The following ATP6V1H variants were observed in gnomAD, a reference collection of about 807,000 sequenced individuals.
ATP6V1H encodes the protein ATPase H+ transporting V1 subunit H, also known as V-type proton ATPase subunit H.
In ATP6V1H, 39 loss-of-function variants were observed where a neutral mutation model predicts 71.7. That is an observed-to-expected ratio of 0.54 (90% CI 0.42 to 0.71). ATP6V1H has a LOEUF of 0.71. Among genes scored for constraint, ATP6V1H ranks in the 30% least tolerant of loss-of-function variants. The probability of loss-of-function intolerance (pLI) is 0.00; values close to 1 mark genes in which losing one functional copy is unlikely to be tolerated. For synonymous variants in ATP6V1H, 192 were observed against 199.3 expected (o/e 0.96, Z 0.31); for missense variants, 509 against 594.9 (o/e 0.86, Z 1.50).
intron 3 of ATP6V1H, among the ~76,000 whole-genome samples, 170 bp from the exon 4 acceptor site, chr8:53,829,703 G>GACCTT (rs1197258533): frequency 4.3e-4 from 65 of 152,194 alleles, no homozygotes; most frequent in African/African-American, 1.5e-3. Context: ...AGTATGAGAG[G>GACCTT]ACCTTACTAT....
intron 9 of ATP6V1H, among the ~76,000 whole-genome samples, chr8:53,782,086 T>G (rs962660351): frequency 6.6e-6 from 1 of 152,186 alleles, no homozygotes; most frequent in African/African-American, 2.4e-5. Context: ...AGAAAGTCAT[T>G]GGTAGCTTGA....
chr8:53,825,061 G>A (rs1810783933), intron 4 of ATP6V1H, among the ~76,000 whole-genome samples: 1 of 152,118 alleles, frequency 6.6e-6, no homozygotes. Flanking sequence ...AACAAGAAAT[G>A]TTGCAAAACC....
At chr8:53,729,972 T>G (rs561139100) in intron 13 of ATP6V1H, among the ~76,000 whole-genome samples, 1 of 152,158 alleles carries the variant, frequency 6.6e-6, no homozygotes, top group African/African-American at 2.4e-5. Flanking sequence ...ACCCAAACCA[T>G]GTCAGCTGAT....
Position 53,829,497 on chromosome 8 carries a change from A to C in ATP6V1H, c.253T>G (p.Cys85Gly). The change falls in exon 4 of 14, where the codon TGC becomes GGC. Residue 85 changes from cysteine to glycine, a missense_variant. Around this residue, in one of 2 missense-constraint regions of ATP6V1H, gnomAD observed 297 missense variants for 303.3 expected, o/e 0.98. Transcript: ENST00000359530. ...ATATACTGAACGGTCTGTTCTTTGC[A>C]GATATGAGTCATCAGATTTATAAAT... ...KTFINLMTHICKEQTVQYILT... is the reference protein window; with the variant it reads ...KTFINLMTHIGKEQTVQYILT... The C allele has an allele frequency of 6.3e-7, 1 of 1,599,736 alleles. No individual in the cohort carries two copies. Among genetic ancestry groups the C allele is most frequent in the Non-Finnish European group, 8.5e-7 (1 of 1,174,958 alleles).
chr8:53,806,943 T>C (rs1382791557), intron 7 of ATP6V1H: 1 of 434,964 alleles, frequency 2.3e-6, no homozygotes. Context: ...AACTGTAAAG[T>C]TGAAAAATCA....
chr8:53,801,772 T>TAAAAGGAATG, intron 8 of ATP6V1H, 27 bp downstream of exon 8: 2 of 1,562,262 alleles, frequency 1.3e-6, no homozygotes, highest in Non-Finnish European at 1.8e-6. Flanking sequence ...TAAATGTTAT[T>TAAAAGGAATG]TTACATTAAA....
At chr8:53,788,088 C>CA (rs1211197004) in intron 9 of ATP6V1H, among the ~76,000 whole-genome samples, 1 of 152,156 alleles carries the variant, frequency 6.6e-6, no homozygotes, top group Non-Finnish European at 1.5e-5. Flanking sequence ...TGGTATAAAT[C>CA]AAATGGCTTT....
chr8:53,744,011 T>C (rs567425410), intron 12 of ATP6V1H, among the ~76,000 whole-genome samples: 1 of 152,296 alleles, frequency 6.6e-6, no homozygotes, highest in South Asian at 2.1e-4. Context: ...ATTAACGTTT[T>C]TATTATCAGT....
intron 4 of ATP6V1H, among the ~76,000 whole-genome samples, chr8:53,818,909 G>A (rs970419578): frequency 6.6e-6 from 1 of 152,078 alleles, no homozygotes. Flanking sequence ...AAAATCAACT[G>A]CTAAACTATA....
At chr8:53,781,537 T>C (rs1327195493) in intron 9 of ATP6V1H, among the ~76,000 whole-genome samples, 1 of 152,224 alleles carries the variant, frequency 6.6e-6, no homozygotes, top group Non-Finnish European at 1.5e-5. Context: ...AGAAGTTCTT[T>C]AGTTTAATTA....
chr8:53,762,112 T>TTCTCAGC (rs1808291766), intron 11 of ATP6V1H, among the ~76,000 whole-genome samples: 1 of 152,196 alleles, frequency 6.6e-6, no homozygotes, highest in Non-Finnish European at 1.5e-5. Context: ...AAAATTTAGT[T>TTCTCAGC]TCTCAGCTAC....
chr8:53,785,819 C>T (rs1809360590), intron 9 of ATP6V1H, among the ~76,000 whole-genome samples: 1 of 152,174 alleles, frequency 6.6e-6, no homozygotes, highest in South Asian at 2.1e-4. Context: ...ACCCTGTTTG[C>T]CTGGGTATCA....
chr8:53,792,858 G>A (rs1809612738), intron 9 of ATP6V1H, among the ~76,000 whole-genome samples: 2 of 152,142 alleles, frequency 1.3e-5, no homozygotes, highest in South Asian at 2.1e-4. Context: ...TTAAAAGCAC[G>A]CATCATATTG....
chr8:53,828,744 A>C (rs149429407), intron 4 of ATP6V1H, among the ~76,000 whole-genome samples: 1 of 152,112 alleles, frequency 6.6e-6, no homozygotes, highest in African/African-American at 2.4e-5. Flanking sequence ...GGCCATCAAT[A>C]AATGTTTTTT....
At chr8:53,771,529 T>A (rs1808655430) in intron 10 of ATP6V1H, among the ~76,000 whole-genome samples, 1 of 151,926 alleles carries the variant, frequency 6.6e-6, no homozygotes, top group South Asian at 2.1e-4. Context: ...TGGCATGGAG[T>A]CCCTTCCATA....
At chr8:53,759,706 TTC>T (rs762534807) in intron 11 of ATP6V1H, among the ~76,000 whole-genome samples, 67 of 152,238 alleles carry the variant, frequency 4.4e-4, no homozygotes, top group Non-Finnish European at 7.3e-4. Context: ...GAAACTTGTT[TTC>T]TCTCTCAGTT....
At chr8:53,757,815 A>AAT (rs1297148472) in intron 11 of ATP6V1H, among the ~76,000 whole-genome samples, 1 of 152,218 alleles carries the variant, frequency 6.6e-6, no homozygotes, top group Non-Finnish European at 1.5e-5. Flanking sequence ...TCATAGTACT[A>AAT]ATCACCACCT....
chr8:53,786,260 G>A (rs1315993002), intron 9 of ATP6V1H, among the ~76,000 whole-genome samples: 2 of 152,172 alleles, frequency 1.3e-5, no homozygotes, highest in South Asian at 2.1e-4. Flanking sequence ...CCCCAGCCTC[G>A]CTGCCGCCTT....
intron 7 of ATP6V1H, 141 bp downstream of exon 7, chr8:53,811,023 G>C (rs1037844471): frequency 3.6e-6 from 2 of 560,294 alleles, no homozygotes; most frequent in African/African-American, 3.8e-5. Context: ...TTTATATATA[G>C]TTTATAATAC....
Sources: allele counts gnomAD v4.1 joint callset (sites outside exome capture counted in the v4.1 genomes callset), GRCh38; gene constraint gnomAD v4.1.1; regional missense constraint gnomAD v4.1.1; transcripts MANE v1.5; gene names NCBI Gene and HGNC (gene_info 2026-07-23, HGNC 2026-07-21).